The following NAALADL2 variants were observed in gnomAD, a reference collection of about 807,000 sequenced individuals.
NAALADL2 encodes N-acetylated alpha-linked acidic dipeptidase like 2.
In NAALADL2, 76 loss-of-function variants were observed where a neutral mutation model predicts 87.2. The ratio of observed to expected loss-of-function variants is 0.87; its 90% CI spans 0.72 to 1.05. The LOEUF is 1.05. Among genes scored for constraint, NAALADL2 ranks in the 50% least tolerant of loss-of-function variants. The pLI, the probability that NAALADL2 is intolerant of heterozygous loss-of-function variation, is 0.00. For synonymous variants in NAALADL2, 354 were observed against 331.0 expected (o/e 1.07, Z -0.75); for missense variants, 1,089 against 945.8 (o/e 1.15, Z -1.99).
At chr3:174,839,065 T>C (rs1723706669) in intron 3 of NAALADL2, among the ~76,000 whole-genome samples, 1 of 152,152 alleles carries the variant, frequency 6.6e-6, no homozygotes, top group Non-Finnish European at 1.5e-5. Context: ...AGAAGAAATC[T>C]GAAGGCATCA....
chr3:175,230,403 A>G (rs894999383), intron 2 of NAALADL2, among the ~76,000 whole-genome samples: 8 of 152,094 alleles, frequency 5.3e-5, no homozygotes, highest in African/African-American at 1.9e-4. Flanking sequence ...TGTGCCACAC[A>G]TATGACCTAA....
chr3:174,452,975 G>T (rs1715586039), intron 1 of NAALADL2, among the ~76,000 whole-genome samples: 1 of 152,046 alleles, frequency 6.6e-6, no homozygotes, highest in Admixed American at 6.5e-5. Context: ...CTATAGATAG[G>T]AATGAAGATT....
intron 10 of NAALADL2, among the ~76,000 whole-genome samples, chr3:175,614,689 A>C (rs1166747592): frequency 6.6e-6 from 1 of 152,172 alleles, no homozygotes; most frequent in Non-Finnish European, 1.5e-5. Flanking sequence ...TTTATTATTG[A>C]AGGAGAAGAA....
At chr3:174,974,557 A>G (rs529654851) in intron 1 of NAALADL2, among the ~76,000 whole-genome samples, 4 of 152,330 alleles carry the variant, frequency 2.6e-5, no homozygotes, top group African/African-American at 9.6e-5. Context: ...GGACAGGCAC[A>G]TAGTAGGAAT....
intron 1 of NAALADL2, among the ~76,000 whole-genome samples, chr3:174,477,460 G>A (rs999080472): frequency 6.6e-5 from 10 of 152,070 alleles, no homozygotes; most frequent in African/African-American, 2.4e-4. Flanking sequence ...ACTTTAAACA[G>A]CCACTTGCTA....
chr3:174,857,188 T>G (rs1725945164), upstream of NAALADL2, among the ~76,000 whole-genome samples: 1 of 152,148 alleles, frequency 6.6e-6, no homozygotes, highest in Non-Finnish European at 1.5e-5. Context: ...TTTAGGCATG[T>G]GCAAAACTCA....
At chr3:175,441,834 A>T (rs7652847) in intron 5 of NAALADL2, among the ~76,000 whole-genome samples, 108,162 of 151,874 alleles carry the variant, frequency 0.71, 39,268 homozygotes, top group Middle Eastern at 0.8. Context: ...ATCTTATCTA[A>T]CCTCTCAGTG....
intron 5 of NAALADL2, among the ~76,000 whole-genome samples, chr3:175,391,335 A>G (rs1476185835): frequency 6.6e-6 from 1 of 152,222 alleles, no homozygotes; most frequent in Non-Finnish European, 1.5e-5. Context: ...TAGAATACAT[A>G]AAAATTGTAG....
intron 3 of NAALADL2, among the ~76,000 whole-genome samples, chr3:174,748,027 T>G (rs1235881383): frequency 2.0e-5 from 3 of 152,086 alleles, no homozygotes; most frequent in African/African-American, 7.2e-5. Context: ...TGGGTGGAGC[T>G]GGAAGCCATT....
chr3:174,749,727 C>T (rs1734636240), intron 3 of NAALADL2, among the ~76,000 whole-genome samples: 2 of 152,084 alleles, frequency 1.3e-5, no homozygotes, highest in Non-Finnish European at 2.9e-5. Context: ...CTGGACAATG[C>T]CATACAATCC....
intron 2 of NAALADL2, among the ~76,000 whole-genome samples, chr3:175,182,558 T>G (rs1170249951): frequency 2.0e-5 from 2 of 100,872 alleles, no homozygotes; most frequent in African/African-American, 8.4e-5. Context: ...CAGTTTTTTT[T>G]TTTTTTTTTT....
intron 5 of NAALADL2, among the ~76,000 whole-genome samples, chr3:175,446,386 C>T (rs1464225388): frequency 4.6e-5 from 7 of 152,026 alleles, no homozygotes; most frequent in African/African-American, 9.7e-5. Flanking sequence ...AGATTACAGG[C>T]GTGCACCACC....
intron 7 of NAALADL2, among the ~76,000 whole-genome samples, chr3:175,465,992 A>T (rs1367601121): frequency 6.6e-6 from 1 of 152,200 alleles, no homozygotes; most frequent in Admixed American, 6.5e-5. Context: ...AACTAAATGG[A>T]GATGTACTAT....
chr3:174,511,423 A>G (rs765818239), intron 1 of NAALADL2, among the ~76,000 whole-genome samples: 2 of 152,004 alleles, frequency 1.3e-5, no homozygotes, highest in Admixed American at 6.6e-5. Flanking sequence ...TCTTCTTTGT[A>G]TTAATATTAC....
chr3:174,801,330 G>A (rs1309042688), intron 3 of NAALADL2, among the ~76,000 whole-genome samples: 3 of 152,154 alleles, frequency 2.0e-5, no homozygotes, highest in Non-Finnish European at 4.4e-5. Flanking sequence ...CTGATGGTTT[G>A]ATAAAGAGGA....
At chr3:174,931,397 A>G (rs1560380085) in intron 1 of NAALADL2, among the ~76,000 whole-genome samples, 1 of 152,194 alleles carries the variant, frequency 6.6e-6, no homozygotes, top group South Asian at 2.1e-4. Context: ...TTTTCCAAAC[A>G]TAAGATGGGA....
intron 2 of NAALADL2, among the ~76,000 whole-genome samples, chr3:174,729,101 G>A (rs565151033): frequency 6.6e-6 from 1 of 152,068 alleles, no homozygotes; most frequent in African/African-American, 2.4e-5. Context: ...TATTTTTAGA[G>A]TGTATTAGTA....
At chr3:174,747,178 A>G (rs930173158) in intron 3 of NAALADL2, among the ~76,000 whole-genome samples, 4 of 152,218 alleles carry the variant, frequency 2.6e-5, no homozygotes, top group Non-Finnish European at 5.9e-5. Context: ...CAATGTATGC[A>G]TCTAACAAAG....
rs76818596 is a variant in NAALADL2 at position 174,853,405 on chromosome 3, C to T, written c.-9+115659C>T. 4.7e-3 allele frequency among the ~76,000 whole-genome samples: 692 copies of T among 145,912 alleles called. 9 individuals are homozygous for T. The highest frequency in any genetic ancestry group is 0.017 in the African/African-American group (661 of 39,580). On this transcript the variant is annotated intron_variant, in intron 3 of 3. Transcript: ENST00000434257. ...AAAAAAAAAAAAAAAAATAGATTTACACCTAAGACCTTAAACCATGAAATT... is the reference window on the plus strand; with the variant it reads ...AAAAAAAAAAAAAAAAATAGATTTATACCTAAGACCTTAAACCATGAAATT...
Sources: allele counts gnomAD v4.1 joint callset (sites outside exome capture counted in the v4.1 genomes callset), GRCh38; gene constraint gnomAD v4.1.1; transcripts MANE v1.5; gene names NCBI Gene and HGNC (gene_info 2026-07-23, HGNC 2026-07-21).